Variants in FAM168A observed in about 807,000 individuals in gnomAD.
FAM168A encodes the protein family with sequence similarity 168 member A, also known as protein FAM168A.
In FAM168A, 3 loss-of-function variants were observed where a neutral mutation model predicts 28.5. That is an observed-to-expected ratio of 0.11 (90% confidence interval 0.05 to 0.27). The LOEUF is 0.27. Ranked by LOEUF, FAM168A falls within the 10% of genes least tolerant of loss-of-function variation. The pLI is 1.00. For synonymous variants in FAM168A, 122 were observed against 124.2 expected (o/e 0.98, Z 0.12); for missense variants, 222 against 311.5 (o/e 0.71, Z 2.16).
chr11:73,484,149 G>A (rs916839669), intron 1 of FAM168A, among the ~76,000 whole-genome samples: 22 of 152,092 alleles, frequency 1.4e-4, no homozygotes, highest in African/African-American at 5.3e-4. Flanking sequence ...CAGCATCAGC[G>A]CTGAGGATAC....
intron 1 of FAM168A, among the ~76,000 whole-genome samples, chr11:73,560,792 G>A (rs376140314): frequency 1.4e-4 from 22 of 152,184 alleles, no homozygotes; most frequent in African/African-American, 3.4e-4. Flanking sequence ...GCCAGGCATC[G>A]CTGCTCACAC....
At chr11:73,560,021 C>T (rs2134703752) in intron 1 of FAM168A, among the ~76,000 whole-genome samples, 1 of 152,222 alleles carries the variant, frequency 6.6e-6, no homozygotes, top group East Asian at 1.9e-4. Flanking sequence ...CAGTTATATC[C>T]ACAGAATTAG....
chr11:73,563,975 C>T (rs1943988816), intron 1 of FAM168A, among the ~76,000 whole-genome samples: 1 of 152,194 alleles, frequency 6.6e-6, no homozygotes, highest in Admixed American at 6.5e-5. Context: ...ACTGCCTCCA[C>T]CTGTTTAGCT....
intron 1 of FAM168A, among the ~76,000 whole-genome samples, chr11:73,513,204 A>ATT (rs1855260491): frequency 7.5e-6 from 1 of 132,796 alleles, no homozygotes; most frequent in East Asian, 2.1e-4. Flanking sequence ...TTTTTTTTTT[A>ATT]ATTTTTTTTT....
chr11:73,587,166 A>AAAAC (rs1944323501), intron 1 of FAM168A, among the ~76,000 whole-genome samples: 1 of 149,734 alleles, frequency 6.7e-6, no homozygotes, highest in African/African-American at 2.4e-5. Context: ...AAAAAAAAAA[A>AAAAC]AAAAAAAAAA....
At chr11:73,572,252 G>A (rs1944107225) in intron 1 of FAM168A, among the ~76,000 whole-genome samples, 1 of 151,484 alleles carries the variant, frequency 6.6e-6, no homozygotes, top group Non-Finnish European at 1.5e-5. Flanking sequence ...CGGGAGGGAG[G>A]TGGGGGGTCA....
chr11:73,497,241 C>G (rs1051899024), intron 1 of FAM168A, among the ~76,000 whole-genome samples: 1 of 152,006 alleles, frequency 6.6e-6, no homozygotes, highest in African/African-American at 2.4e-5. Context: ...CCCAGACAGG[C>G]AGATCACGAG....
chr11:73,504,009 C>T (rs193213355), intron 1 of FAM168A, among the ~76,000 whole-genome samples: 3 of 152,038 alleles, frequency 2.0e-5, no homozygotes, highest in East Asian at 1.9e-4. Context: ...TAACTCAAGA[C>T]GGATTAAAGA....
At chr11:73,487,525 T>C (rs1868068726) in intron 1 of FAM168A, among the ~76,000 whole-genome samples, 1 of 152,192 alleles carries the variant, frequency 6.6e-6, no homozygotes, top group Non-Finnish European at 1.5e-5. Flanking sequence ...TTGTGGCTCC[T>C]AGCTCACTGT....
Position 73,465,097 on chromosome 11 carries a change from C to T in FAM168A, c.70+3308G>A, listed in dbSNP as rs138261458. Among the ~76,000 whole-genome samples the T allele has an allele frequency of 1.9e-3, 295 of 151,420 alleles. 4 individuals are homozygous for T. Among genetic ancestry groups the T allele is most frequent in the African/African-American group, 6.5e-3 (269 of 41,194 alleles). ...CGAGAAGCTTTATAAACATTTTCACCGACTACAAACCAACCATCTGTATAG... is the reference window on the plus strand; with the variant it reads ...CGAGAAGCTTTATAAACATTTTCACTGACTACAAACCAACCATCTGTATAG... On this transcript the variant is annotated intron_variant, in intron 2 of 7. Coordinates refer to ENST00000356467, the MANE Select transcript of FAM168A (RefSeq NM_015159.3).
At chr11:73,567,819 C>T (rs1944039512) in intron 1 of FAM168A, among the ~76,000 whole-genome samples, 1 of 152,084 alleles carries the variant, frequency 6.6e-6, no homozygotes, top group African/African-American at 2.4e-5. Context: ...ATTGAGAATG[C>T]AGATGAGGGC....
chr11:73,565,844 C>CTCTTG (rs1944014744), intron 1 of FAM168A, among the ~76,000 whole-genome samples: 1 of 152,148 alleles, frequency 6.6e-6, no homozygotes, highest in Admixed American at 6.5e-5. Context: ...CACTGTTTCA[C>CTCTTG]CAGGCTCTTG....
intron 1 of FAM168A, among the ~76,000 whole-genome samples, chr11:73,593,642 G>A (rs1944408326): frequency 6.6e-6 from 1 of 152,092 alleles, no homozygotes; most frequent in Non-Finnish European, 1.5e-5. Flanking sequence ...TCATTGGTAG[G>A]GCACACAAGG....
At chr11:73,425,591 CT>C (rs893369919) in intron 3 of FAM168A, among the ~76,000 whole-genome samples, 23 of 152,120 alleles carry the variant, frequency 1.5e-4, no homozygotes, top group Admixed American at 1.3e-3. Flanking sequence ...GCTATACTGC[CT>C]TTTTTGGAGA....
At chr11:73,587,548 GCA>G (rs1448703333) in intron 1 of FAM168A, among the ~76,000 whole-genome samples, 1 of 151,918 alleles carries the variant, frequency 6.6e-6, no homozygotes, top group Non-Finnish European at 1.5e-5. Context: ...TTTTACCCAG[GCA>G]CAGTGGTGCA....
At chr11:73,468,166 C>G (rs115652687) in intron 2 of FAM168A, among the ~76,000 whole-genome samples, 2,024 of 152,264 alleles carry the variant, frequency 0.013, 44 homozygotes, top group African/African-American at 0.045. Flanking sequence ...TTAAAATAAT[C>G]AAATCAAATG....
At chr11:73,547,404 T>G (rs926125374) in intron 1 of FAM168A, among the ~76,000 whole-genome samples, 1 of 151,832 alleles carries the variant, frequency 6.6e-6, no homozygotes, top group African/African-American at 2.4e-5. Context: ...GTGCTGTTGG[T>G]GGGAACATAA....
intron 1 of FAM168A, among the ~76,000 whole-genome samples, chr11:73,535,244 A>G (rs1943562302): frequency 6.6e-6 from 1 of 151,800 alleles, no homozygotes; most frequent in Admixed American, 6.6e-5. Flanking sequence ...CTTCTTTGAA[A>G]ACACATCTAA....
At chr11:73,417,749 T>C (rs978502854) in intron 4 of FAM168A, among the ~76,000 whole-genome samples, 13 of 151,974 alleles carry the variant, frequency 8.6e-5, no homozygotes, top group Admixed American at 5.2e-4. Flanking sequence ...TTAGTAGAGA[T>C]GGGGTTTCAC....
Sources: gnomAD v4.1 joint callset for allele counts (sites outside exome capture counted in the v4.1 genomes callset) on GRCh38, gnomAD v4.1.1 for gene constraint, MANE v1.5 for transcripts, NCBI Gene and HGNC (gene_info 2026-07-23, HGNC 2026-07-21) for gene names.